SLC39A11: variants seen among roughly 807,000 people sequenced by gnomAD.
SLC39A11 encodes solute carrier family 39 member 11.
Under a neutral mutation model 36.1 loss-of-function variants are expected in SLC39A11, and 33 were observed. The ratio of observed to expected loss-of-function variants is 0.91; its 90% confidence interval spans 0.69 to 1.22. SLC39A11 has a LOEUF of 1.22. Among genes scored for constraint, SLC39A11 ranks in the 50% most tolerant of loss-of-function variants. The probability of loss-of-function intolerance (pLI) is 0.00; values close to 1 mark genes in which losing one functional copy is unlikely to be tolerated. For synonymous variants in SLC39A11, 166 were observed against 170.3 expected (o/e 0.97, Z 0.20); for missense variants, 432 against 430.3 (o/e 1.00, Z -0.03).
chr17:72,988,977 G>A (rs2088967421), intron 4 of SLC39A11, among the ~76,000 whole-genome samples: 2 of 152,266 alleles, frequency 1.3e-5, no homozygotes, highest in African/African-American at 2.4e-5. Context: ...TTGGGAAGCC[G>A]AGGAGGGCAC....
chr17:72,667,207 A>G (rs1436611295), intron 7 of SLC39A11, among the ~76,000 whole-genome samples: 1 of 152,184 alleles, frequency 6.6e-6, no homozygotes, highest in Non-Finnish European at 1.5e-5. Context: ...GGAAGTTAAT[A>G]GCCCTGAAGT....
At chr17:72,815,741 G>A (rs2077560973) in intron 6 of SLC39A11, among the ~76,000 whole-genome samples, 1 of 152,194 alleles carries the variant, frequency 6.6e-6, no homozygotes, top group African/African-American at 2.4e-5. Context: ...GGCCAACATG[G>A]CGAAACCCTG....
intron 5 of SLC39A11, among the ~76,000 whole-genome samples, chr17:72,869,146 C>T (rs2080471980): frequency 6.6e-6 from 1 of 152,170 alleles, no homozygotes; most frequent in East Asian, 1.9e-4. Context: ...TTGAAATGGA[C>T]ATCCCCAAAT....
At chr17:72,912,022 T>C (rs1339593086) in intron 5 of SLC39A11, among the ~76,000 whole-genome samples, 2 of 152,092 alleles carry the variant, frequency 1.3e-5, no homozygotes, top group African/African-American at 4.8e-5. Flanking sequence ...CGTGATGGGA[T>C]TTGGGATGCA....
chr17:72,734,859 C>G (rs1358471012), intron 7 of SLC39A11, among the ~76,000 whole-genome samples: 2 of 152,098 alleles, frequency 1.3e-5, no homozygotes, highest in Non-Finnish European at 2.9e-5. Flanking sequence ...TAAGGTCACA[C>G]CCTCTGGGCT....
intron 3 of SLC39A11, among the ~76,000 whole-genome samples, chr17:73,066,454 C>T (rs550766273): frequency 2.6e-5 from 4 of 152,326 alleles, no homozygotes; most frequent in Admixed American, 2.6e-4. Flanking sequence ...CTGTTAACTA[C>T]CCAACATCCA....
At chr17:72,933,352 C>A (rs1190689576) in intron 5 of SLC39A11, among the ~76,000 whole-genome samples, 1 of 152,114 alleles carries the variant, frequency 6.6e-6, no homozygotes, top group African/African-American at 2.4e-5. Context: ...AGGTATAAAT[C>A]TAACCAACGG....
intron 5 of SLC39A11, among the ~76,000 whole-genome samples, chr17:72,935,163 C>G (rs946793726): frequency 6.6e-6 from 1 of 152,178 alleles, no homozygotes; most frequent in Admixed American, 6.5e-5. Flanking sequence ...TGTATCCACA[C>G]GATGGAATGC....
intron 4 of SLC39A11, among the ~76,000 whole-genome samples, chr17:72,950,922 G>T (rs1020638591): frequency 5.3e-5 from 8 of 152,094 alleles, no homozygotes; most frequent in African/African-American, 1.9e-4. Context: ...AGAGACCACG[G>T]ATGCTATGAA....
At chr17:72,670,158 TATACACACACACACACACACACACACAC>T (rs1262878762) in intron 7 of SLC39A11, among the ~76,000 whole-genome samples, 2 of 126,346 alleles carry the variant, frequency 1.6e-5, no homozygotes, top group South Asian at 2.6e-4. Flanking sequence ...ACACATTTTA[TATACACACACACACACACACACACACAC>T]ACACACACAC....
intron 7 of SLC39A11, among the ~76,000 whole-genome samples, chr17:72,651,428 C>A (rs1476461378): frequency 1.3e-5 from 2 of 152,142 alleles, no homozygotes; most frequent in Non-Finnish European, 2.9e-5. Context: ...AGCCTGCAGC[C>A]CAGGGTGCTT....
At chr17:72,792,139 A>G (rs1423527060) in intron 6 of SLC39A11, among the ~76,000 whole-genome samples, 1 of 152,216 alleles carries the variant, frequency 6.6e-6, no homozygotes, top group Non-Finnish European at 1.5e-5. Flanking sequence ...AGACAGCTGA[A>G]CATATGACAA....
At chr17:72,695,326 C>T (rs1431267042) in intron 7 of SLC39A11, among the ~76,000 whole-genome samples, 1 of 152,206 alleles carries the variant, frequency 6.6e-6, no homozygotes, top group Non-Finnish European at 1.5e-5. Flanking sequence ...CTGACATGTC[C>T]ACATGCATCT....
At chr17:72,765,821 A>G (rs1483798266) in intron 6 of SLC39A11, among the ~76,000 whole-genome samples, 1 of 152,182 alleles carries the variant, frequency 6.6e-6, no homozygotes, top group African/African-American at 2.4e-5. Flanking sequence ...CCTATTCAGA[A>G]AGGACCGTCT....
intron 5 of SLC39A11, among the ~76,000 whole-genome samples, chr17:72,874,365 C>T (rs1379523487): frequency 6.6e-6 from 1 of 152,080 alleles, no homozygotes; most frequent in Non-Finnish European, 1.5e-5. Flanking sequence ...TCCTTCTCTC[C>T]CACCCCGGAC....
chr17:72,938,986 C>T (rs184181911), intron 5 of SLC39A11, among the ~76,000 whole-genome samples: 1 of 152,160 alleles, frequency 6.6e-6, no homozygotes, highest in Admixed American at 6.5e-5. Context: ...TGCCAGGACT[C>T]GTCCTCTTGC....
chr17:72,897,052 C>CAAA (rs10656675), intron 5 of SLC39A11, among the ~76,000 whole-genome samples: 8,022 of 63,752 alleles, frequency 0.13, 1,142 homozygotes, highest in African/African-American at 0.17. Context: ...GACTCTGTCT[C>CAAA]AAAAAAAAAA....
At chr17:72,681,473 A>G (rs2071506604) in intron 7 of SLC39A11, among the ~76,000 whole-genome samples, 2 of 152,202 alleles carry the variant, frequency 1.3e-5, no homozygotes, top group African/African-American at 4.8e-5. Context: ...AGACCAGTGG[A>G]GGCTGGTGGC....
chr17:73,054,136 G>A (rs2059592691), intron 3 of SLC39A11, among the ~76,000 whole-genome samples: 2 of 152,100 alleles, frequency 1.3e-5, no homozygotes, highest in South Asian at 2.1e-4. Context: ...AGGCCGAGGT[G>A]GGTGGACCAC....
Sources: gnomAD v4.1 joint callset for allele counts (sites outside exome capture counted in the v4.1 genomes callset) on GRCh38, gnomAD v4.1.1 for gene constraint, MANE v1.5 for transcripts, NCBI Gene and HGNC (gene_info 2026-07-23, HGNC 2026-07-21) for gene names.